Variants in DTNA observed in about 807,000 individuals in gnomAD.
DTNA encodes dystrobrevin alpha.
DTNA carries 43 observed loss-of-function variants against 100.7 expected under a neutral mutation model. The ratio of observed to expected loss-of-function variants is 0.43; its 90% CI spans 0.33 to 0.55. The LOEUF is 0.55. DTNA is among the 20% of genes least tolerant of loss of function. The probability of loss-of-function intolerance (pLI) is 0.04; values close to 1 mark genes in which losing one functional copy is unlikely to be tolerated. For synonymous variants in DTNA, 349 were observed against 347.9 expected (o/e 1.00, Z -0.04); for missense variants, 798 against 953.9 (o/e 0.84, Z 2.15).
intron 1 of DTNA, among the ~76,000 whole-genome samples, chr18:34,659,794 T>C (rs1306753883): frequency 6.6e-6 from 1 of 152,310 alleles, no homozygotes; most frequent in Middle Eastern, 3.4e-3. Flanking sequence ...GGTGACCGTA[T>C]TTAGTGCTGT....
At chr18:34,809,365 G>A (rs771509982) in intron 5 of DTNA, among the ~76,000 whole-genome samples, 9 of 152,122 alleles carry the variant, frequency 5.9e-5, no homozygotes, top group Non-Finnish European at 8.8e-5. Flanking sequence ...GCTGAGGCAG[G>A]AGAATCACTT....
intron 1 of DTNA, among the ~76,000 whole-genome samples, chr18:34,659,282 A>T (rs2074832142): frequency 6.6e-6 from 1 of 152,250 alleles, no homozygotes. Context: ...AGTCCAATAT[A>T]TCAAAACTAT....
chr18:34,789,635 T>G (rs572735531), intron 3 of DTNA, among the ~76,000 whole-genome samples: 146 of 152,366 alleles, frequency 9.6e-4, no homozygotes, highest in African/African-American at 3.2e-3. Flanking sequence ...GTCCTCACAA[T>G]CTACCATAGT....
chr18:34,583,442 A>G (rs1358884272), intron 1 of DTNA, among the ~76,000 whole-genome samples: 1 of 152,172 alleles, frequency 6.6e-6, no homozygotes, highest in Non-Finnish European at 1.5e-5. Context: ...AGAGAATTAC[A>G]ATTAAAATGG....
intron 1 of DTNA, among the ~76,000 whole-genome samples, chr18:34,595,368 T>G (rs1408777546): frequency 6.6e-6 from 1 of 151,914 alleles, no homozygotes; most frequent in African/African-American, 2.4e-5. Flanking sequence ...GATTTGGGTT[T>G]TTTTTCAGTG....
Position 34,889,143 on chromosome 18 carries a change from G to A in DTNA, c.*1409G>A. 1.0e-6 allele frequency: 1 copy of A among 959,572 alleles called. No individual in the cohort carries two copies. Among genetic ancestry groups the A allele is most frequent in the East Asian group, 1.1e-4 (1 of 8,794 alleles). The allele number at this position is 959,572 out of a possible 1,614,324, so 59.4% of individuals were successfully genotyped here. ...TTCAAGATTTGATTTTTTTAAAAAA[G>A]CCTGCGACCTATTCAATACATTATG... On this transcript the variant is annotated 3_prime_UTR_variant, in exon 23 of 23. Coordinates refer to ENST00000444659, the MANE Select transcript of DTNA (RefSeq NM_001386795.1).
intron 1 of DTNA, among the ~76,000 whole-genome samples, chr18:34,560,731 C>T (rs2046556435): frequency 1.3e-5 from 2 of 152,072 alleles, no homozygotes. Flanking sequence ...CATACTGAAA[C>T]CCTATCTCTA....
chr18:34,597,913 T>C (rs1184633423), intron 1 of DTNA, among the ~76,000 whole-genome samples: 2 of 152,076 alleles, frequency 1.3e-5, no homozygotes, highest in Non-Finnish European at 2.9e-5. Context: ...GTTCTGGGAG[T>C]CCCTAATGCT....
At chr18:34,571,339 G>A (rs1400595904) in intron 1 of DTNA, among the ~76,000 whole-genome samples, 1 of 152,158 alleles carries the variant, frequency 6.6e-6, no homozygotes, top group African/African-American at 2.4e-5. Context: ...AAACACTGTA[G>A]ATACTCTTCC....
chr18:34,807,243 G>A (rs1278022342), intron 5 of DTNA, among the ~76,000 whole-genome samples: 3 of 152,104 alleles, frequency 2.0e-5, no homozygotes, highest in East Asian at 3.8e-4. Context: ...GTATGAGTTG[G>A]GGCTATAATG....
intron 10 of DTNA, chr18:34,828,973 C>T: frequency 6.4e-7 from 1 of 1,569,622 alleles, no homozygotes; most frequent in Non-Finnish European, 8.8e-7. Flanking sequence ...TTAGGAAGCT[C>T]TGCATTCTGC....
chr18:34,793,370 A>G (rs771701683), intron 3 of DTNA, among the ~76,000 whole-genome samples: 3 of 152,204 alleles, frequency 2.0e-5, no homozygotes, highest in Non-Finnish European at 4.4e-5. Context: ...TCAGCTGGTA[A>G]TAATGTAGCC....
At chr18:34,810,037 G>T (rs753611049) in intron 5 of DTNA, among the ~76,000 whole-genome samples, 3 of 152,064 alleles carry the variant, frequency 2.0e-5, no homozygotes, top group Non-Finnish European at 4.4e-5. Context: ...TGTTTTAATG[G>T]GTTGGAACAT....
chr18:34,733,762 C>T (rs1289313985), intron 1 of DTNA, among the ~76,000 whole-genome samples: 1 of 152,168 alleles, frequency 6.6e-6, no homozygotes, highest in Non-Finnish European at 1.5e-5. Flanking sequence ...CCCAATCTCC[C>T]TAAGCCTTTG....
Position 34,566,413 on chromosome 18 carries a change from A to G in DTNA, c.-2+72899A>G, listed in dbSNP as rs182996249. ...TTTTTCATGGATTAAAAATGGTAGA[A>G]AGTTTGACAAACATCTAGAATTTTT... On this transcript the variant is annotated intron_variant, in intron 1 of 19. Coordinates refer to the DTNA transcript ENST00000283365. 4.5e-4 allele frequency among the ~76,000 whole-genome samples: 68 copies of G among 152,338 alleles called. 1 individual carries two copies. The highest frequency in any genetic ancestry group is 9.0e-4 in the Non-Finnish European group (61 of 68,036).
intron 1 of DTNA, among the ~76,000 whole-genome samples, chr18:34,584,450 G>A (rs2048928697): frequency 1.3e-5 from 2 of 152,234 alleles, no homozygotes; most frequent in East Asian, 1.9e-4. Flanking sequence ...TATGAAAAAG[G>A]AGAAATTAGA....
chr18:34,554,963 C>T (rs1272403301), intron 1 of DTNA, among the ~76,000 whole-genome samples: 5 of 138,628 alleles, frequency 3.6e-5, no homozygotes, highest in Non-Finnish European at 7.8e-5. Context: ...CCAGTTCCTC[C>T]TTGTACCTCT....
chr18:34,755,349 T>C (rs1446415977), intron 1 of DTNA: 4 of 153,086 alleles, frequency 2.6e-5, no homozygotes, highest in African/African-American at 9.6e-5. Context: ...GACAATAGTA[T>C]GGTTAAGGAA....
chr18:34,598,583 G>A (rs1294474805), intron 1 of DTNA, among the ~76,000 whole-genome samples: 2 of 152,186 alleles, frequency 1.3e-5, no homozygotes, highest in African/African-American at 4.8e-5. Flanking sequence ...TTAAGGCCTT[G>A]GCCAGGCGCA....
Sources: allele counts gnomAD v4.1 joint callset (sites outside exome capture counted in the v4.1 genomes callset), GRCh38; gene constraint gnomAD v4.1.1; transcripts MANE v1.5; gene names NCBI Gene and HGNC (gene_info 2026-07-23, HGNC 2026-07-21).